The following GREB1L variants were observed in gnomAD, a reference collection of about 807,000 sequenced individuals.
GREB1L encodes the protein GREB1-like protein.
A neutral mutation model predicts 200.8 loss-of-function variants in GREB1L; 17 were observed. The observed-to-expected ratio is 0.08, with a 90% CI of 0.06 to 0.13. The LOEUF (loss-of-function observed/expected upper bound fraction) is 0.13. Ranked by LOEUF, GREB1L falls within the 10% of genes least tolerant of loss-of-function variation. The pLI, the probability that GREB1L is intolerant of heterozygous loss-of-function variation, is 1.00. For synonymous variants in GREB1L, 789 were observed against 893.0 expected (o/e 0.88, Z 2.08); for missense variants, 1,657 against 2,367.7 (o/e 0.70, Z 6.23).
chr18:21,495,513 G>T (rs1427121870), intron 19 of GREB1L, among the ~76,000 whole-genome samples, 157 bp from the exon 20 acceptor site: 1 of 152,200 alleles, frequency 6.6e-6, no homozygotes, highest in Non-Finnish European at 1.5e-5. Context: ...TATATGCGAT[G>T]TAGTAGCAGT....
At chr18:21,362,863 T>C (rs188354993) in intron 1 of GREB1L, among the ~76,000 whole-genome samples, 1 of 152,354 alleles carries the variant, frequency 6.6e-6, no homozygotes, top group African/African-American at 2.4e-5. Flanking sequence ...CAGAGTCTCC[T>C]GCATCTACAG....
intron 9 of GREB1L, 131 bp downstream of exon 9, chr18:21,440,519 C>T (rs2033838433): frequency 1.1e-5 from 10 of 912,964 alleles, no homozygotes; most frequent in South Asian, 7.0e-5. Flanking sequence ...TGTTTTGTCC[C>T]GATCACATTT....
intron 2 of GREB1L, among the ~76,000 whole-genome samples, chr18:21,370,064 T>C (rs899905809): frequency 1.3e-5 from 2 of 152,212 alleles, no homozygotes; most frequent in Non-Finnish European, 2.9e-5. Context: ...GTTTGCACTT[T>C]CTAAACATTC....
At chr18:21,521,920 C>T (rs1193028749) in intron 32 of GREB1L, among the ~76,000 whole-genome samples, 1 of 140,706 alleles carries the variant, frequency 7.1e-6, no homozygotes, top group Non-Finnish European at 1.5e-5. Context: ...AGGAGAATTG[C>T]TTGAACCCAG....
chr18:21,315,808 G>C (rs1598652253), intron 1 of GREB1L, among the ~76,000 whole-genome samples: 3 of 152,088 alleles, frequency 2.0e-5, no homozygotes, highest in African/African-American at 7.2e-5. Flanking sequence ...AGACTCTTTG[G>C]AATTCCCTGT....
chr18:21,362,658 A>G (rs898534467), intron 1 of GREB1L, among the ~76,000 whole-genome samples: 1 of 152,132 alleles, frequency 6.6e-6, no homozygotes, highest in African/African-American at 2.4e-5. Context: ...TAATCTCCAT[A>G]ATTGGCATTG....
At chr18:21,359,972 T>A (rs2039559396) in intron 1 of GREB1L, among the ~76,000 whole-genome samples, 1 of 152,174 alleles carries the variant, frequency 6.6e-6, no homozygotes. Context: ...AGGAGGGTTG[T>A]TTTTTCTGGA....
At chr18:21,373,513 C>T (rs112117306) in intron 2 of GREB1L, among the ~76,000 whole-genome samples, 22,738 of 151,966 alleles carry the variant, frequency 0.15, 3,700 homozygotes, top group African/African-American at 0.4. Context: ...TTTGTATTTT[C>T]AGTAGAGATA....
intron 7 of GREB1L, among the ~76,000 whole-genome samples, chr18:21,414,715 A>G (rs1432552495): frequency 6.6e-6 from 1 of 152,172 alleles, no homozygotes; most frequent in African/African-American, 2.4e-5. Context: ...TCAAGAGCAG[A>G]ATCGGGGTAG....
At position 21,403,896 on chromosome 18, in the gene GREB1L, C is replaced by T; in HGVS notation, c.734C>T (p.Ala245Val). Reference protein sequence around the residue: ...WKECRSRQSSASCHSIKPSSS... With the variant: ...WKECRSRQSSVSCHSIKPSSS... ...GAATGTAGAAGCCGACAATCCTCTG[C>T]TTCTTGCCACTCTATTAAGCCAAGC... Residue 245 changes from alanine to valine, a missense_variant, in exon 7 of 33, where the codon GCT becomes GTT. Around this residue, in one of 9 missense-constraint regions of GREB1L, gnomAD observed 289 missense variants for 345.1 expected, o/e 0.84. Transcript: ENST00000424526. 1 of 1,551,314 alleles carries T rather than the reference C, an allele frequency of 6.4e-7. No individual in the cohort carries two copies. Among genetic ancestry groups the T allele is most frequent in the South Asian group, 1.2e-5 (1 of 84,052 alleles).
Position 21,496,642 on chromosome 18 carries a change from T to G in GREB1L, c.3335T>G (p.Leu1112Arg). 1 of 1,551,468 alleles carries G rather than the reference T, an allele frequency of 6.4e-7. No individual in the cohort carries two copies. The highest frequency in any genetic ancestry group is 8.7e-7 in the Non-Finnish European group (1 of 1,146,810). The change falls in exon 21 of 33, where the codon CTG becomes CGG. Residue 1112 changes from leucine (L) to arginine (R), a missense_variant. Coordinates refer to ENST00000424526, the MANE Select transcript of GREB1L (RefSeq NM_001142966.3). ...GTCAGTGAGAATGACTCCGATGAGC[T>G]GCTCATCGACCTGGAGCGGCCCCAG... ...AAVSENDSDE[L>R]LIDLERPQSN...
Position 21,401,241 on chromosome 18 carries a change from G to A in GREB1L, c.624G>A (p.Gln208=). Residue 208 remains glutamine, a synonymous_variant, in exon 6 of 33, where the codon CAG becomes CAA. Coordinates refer to ENST00000424526, the MANE Select transcript of GREB1L (RefSeq NM_001142966.3). ...SNHINLKLTT[Q]PKKQKHLKYY... ...ACATTAACTTGAAGCTCACCACTCA[G>A]CCAAAGAAGCAGAAGCACTTAAAGT... 1 of 1,551,616 alleles carries A rather than the reference G, an allele frequency of 6.4e-7. No homozygotes were observed. The highest frequency in any genetic ancestry group is 1.2e-5 in the South Asian group (1 of 84,054).
intron 17 of GREB1L, among the ~76,000 whole-genome samples, chr18:21,477,800 CA>C (rs2035764946): frequency 6.9e-6 from 1 of 144,726 alleles, no homozygotes; most frequent in Non-Finnish European, 1.5e-5. Flanking sequence ...AAAAAAAAAA[CA>C]AAAAACTAAC....
chr18:21,444,494 C>T (rs2034097052), intron 11 of GREB1L, 85 bp downstream of exon 11: 1 of 1,050,128 alleles, frequency 9.5e-7, no homozygotes, highest in Admixed American at 2.5e-5. Context: ...TCACATTTAT[C>T]CTCCTATCTC....
At chr18:21,360,633 C>CTA (rs1382188248) in intron 1 of GREB1L, among the ~76,000 whole-genome samples, 2 of 152,138 alleles carry the variant, frequency 1.3e-5, no homozygotes. Flanking sequence ...AATTAGATCA[C>CTA]TATAGTTGAA....
chr18:21,521,833 G>A (rs757654574), intron 32 of GREB1L, among the ~76,000 whole-genome samples: 3 of 151,574 alleles, frequency 2.0e-5, no homozygotes, highest in East Asian at 3.9e-4. Flanking sequence ...GTGAAACTCC[G>A]TCTCTACTAA....
rs898549337 is a variant in GREB1L, at chr18:21,523,853, T to A, written c.*1032T>A. On this transcript the variant is annotated 3_prime_UTR_variant, in exon 33 of 33. Transcript: ENST00000424526. ...GGAAATTGAGCCATAGAAAGAGAAA[T>A]GTTTTTTTACTTAATCTTACCAGTG... 28 of 152,134 alleles carry A rather than the reference T, an allele frequency of 1.8e-4. No individual in the cohort carries two copies. Among genetic ancestry groups the A allele is most frequent in the African/African-American group, 5.6e-4 (23 of 41,426 alleles). 9.4% of individuals were successfully genotyped at this position (152,134 alleles called of 1,614,324 possible).
At chr18:21,497,953 C>G (rs914382323) in intron 21 of GREB1L, among the ~76,000 whole-genome samples, 6 of 151,252 alleles carry the variant, frequency 4.0e-5, no homozygotes, top group Non-Finnish European at 7.4e-5. Flanking sequence ...TCCTGAGTAG[C>G]TGGGATTACA....
At chr18:21,379,075 TTATA>T (rs1340402593) in intron 2 of GREB1L, among the ~76,000 whole-genome samples, 1 of 152,124 alleles carries the variant, frequency 6.6e-6, no homozygotes, top group Non-Finnish European at 1.5e-5. Context: ...TATCTGTTGT[TTATA>T]TATGTTCTGT....
Sources: allele counts gnomAD v4.1 joint callset (sites outside exome capture counted in the v4.1 genomes callset), GRCh38; gene constraint gnomAD v4.1.1; regional missense constraint gnomAD v4.1.1; transcripts MANE v1.5; gene names NCBI Gene and HGNC (gene_info 2026-07-23, HGNC 2026-07-21).